Variants in XIRP2 observed in about 807,000 individuals in gnomAD.
The protein encoded by XIRP2 is xin actin binding repeat containing 2.
XIRP2 carries 236 observed loss-of-function variants against 277.0 expected under a neutral mutation model. The observed-to-expected ratio is 0.85, with a 90% CI of 0.77 to 0.95. XIRP2 has a LOEUF of 0.95. Among genes scored for constraint, XIRP2 ranks in the 40% least tolerant of loss-of-function variants. The probability of loss-of-function intolerance (pLI) is 0.00; values close to 1 mark genes in which losing one functional copy is unlikely to be tolerated. For missense variants in XIRP2, 4,640 were observed against 4,157.5 expected (o/e 1.12, Z -3.19); for synonymous variants, 1,490 against 1,416.5 (o/e 1.05, Z -1.17).
intron 2 of XIRP2, among the ~76,000 whole-genome samples, chr2:166,929,033 T>A (rs903803343): frequency 5.9e-5 from 9 of 152,068 alleles, no homozygotes; most frequent in Non-Finnish European, 1.2e-4. Flanking sequence ...TGTAAATACT[T>A]TCTATCGCTG....
At chr2:166,916,230 C>A (rs1256132471) in intron 2 of XIRP2, among the ~76,000 whole-genome samples, 2 of 152,180 alleles carry the variant, frequency 1.3e-5, no homozygotes, top group African/African-American at 2.4e-5. Flanking sequence ...TACATAAAAT[C>A]ATTTCATTAG....
intron 2 of XIRP2, among the ~76,000 whole-genome samples, chr2:166,926,172 C>G (rs1318087402): frequency 6.6e-6 from 1 of 152,064 alleles, no homozygotes; most frequent in Non-Finnish European, 1.5e-5. Context: ...GTTTTCTATA[C>G]TATTCTTTCT....
intron 2 of XIRP2, among the ~76,000 whole-genome samples, chr2:167,026,076 T>A (rs1041412316): frequency 3.3e-5 from 5 of 152,098 alleles, no homozygotes; most frequent in African/African-American, 7.2e-5. Flanking sequence ...CCCATTATTA[T>A]TGTGTGGGAG....
intron 2 of XIRP2, among the ~76,000 whole-genome samples, chr2:166,936,269 T>C (rs1182682437): frequency 2.0e-5 from 3 of 152,228 alleles, no homozygotes; most frequent in Non-Finnish European, 4.4e-5. Flanking sequence ...GTTTGTTTTT[T>C]TCTTGTAAAT....
chr2:167,131,559 C>G (rs1046033408), intron 2 of XIRP2, among the ~76,000 whole-genome samples: 1 of 152,134 alleles, frequency 6.6e-6, no homozygotes, highest in African/African-American at 2.4e-5. Flanking sequence ...CCATGTTGCT[C>G]AACTCAAAAG....
intron 5 of XIRP2, among the ~76,000 whole-genome samples, chr2:167,234,301 C>A (rs961497394): frequency 8.6e-5 from 13 of 151,338 alleles, no homozygotes; most frequent in Admixed American, 8.6e-4. Flanking sequence ...GAAATTTATG[C>A]AATATATCTG....
chr2:167,212,073 C>T (rs1331715643), intron 4 of XIRP2, among the ~76,000 whole-genome samples: 1 of 152,110 alleles, frequency 6.6e-6, no homozygotes, highest in Non-Finnish European at 1.5e-5. Context: ...CTGTGCCAAA[C>T]TCATTTAAAA....
intron 2 of XIRP2, among the ~76,000 whole-genome samples, chr2:167,055,592 TA>T (rs1274142418): frequency 6.6e-6 from 1 of 152,180 alleles, no homozygotes; most frequent in Non-Finnish European, 1.5e-5. Context: ...TCCTCCTGGC[TA>T]AAAACATGAA....
intron 2 of XIRP2, among the ~76,000 whole-genome samples, chr2:167,125,789 A>G (rs1013177306): frequency 6.6e-6 from 1 of 152,132 alleles, no homozygotes; most frequent in African/African-American, 2.4e-5. Context: ...TGGTTATTTA[A>G]TGCAGTTTGT....
At position 167,246,419 on chromosome 2, in the gene XIRP2, G is replaced by T; in HGVS notation, c.5027G>T (p.Gly1676Val). 6.2e-7 allele frequency: 1 copy of T among 1,613,612 alleles called. No individual in the cohort carries two copies. Among genetic ancestry groups the T allele is most frequent in the South Asian group, 1.1e-5 (1 of 91,048 alleles). Residue 1676 changes from glycine to valine, a missense_variant, in exon 9 of 11, where the codon GGC becomes GTC. By Grantham distance (109) the Gly-to-Val change is moderately radical (BLOSUM62 -3). Transcript: ENST00000409195. ...TCTGAGGAAAGATCTGTAAAGAAAG[G>T]CATCTTAATTCAGGAAGATGAAAAA... ...LFSEERSVKK[G>V]ILIQEDEKGD...
intron 2 of XIRP2, among the ~76,000 whole-genome samples, chr2:167,095,618 A>G (rs1690287434): frequency 6.6e-6 from 1 of 152,130 alleles, no homozygotes; most frequent in Non-Finnish European, 1.5e-5. Flanking sequence ...GATTATGTTT[A>G]TTGATTTGCA....
At chr2:166,906,698 GT>G (rs199943571) in intron 2 of XIRP2, among the ~76,000 whole-genome samples, 2,380 of 152,146 alleles carry the variant, frequency 0.016, 31 homozygotes, top group Non-Finnish European at 0.022. Flanking sequence ...GCTCACACCT[GT>G]TTTCCCAGCA....
chr2:167,210,706 A>T, intron 3 of XIRP2, 29 bp from the exon 4 acceptor site: 2 of 1,611,252 alleles, frequency 1.2e-6, no homozygotes, highest in Non-Finnish European at 1.7e-6. Context: ...CTTAACACAC[A>T]TGTGTAAGCA....
chr2:166,940,463 A>T (rs1685673503), intron 2 of XIRP2, among the ~76,000 whole-genome samples: 1 of 152,172 alleles, frequency 6.6e-6, no homozygotes, highest in Non-Finnish European at 1.5e-5. Context: ...GTCATTCTCC[A>T]TCCAGCTTTG....
intron 2 of XIRP2, among the ~76,000 whole-genome samples, chr2:167,106,776 G>T (rs1403269403): frequency 6.6e-6 from 1 of 151,264 alleles, no homozygotes; most frequent in Non-Finnish European, 1.5e-5. Flanking sequence ...AACTAGAATT[G>T]GCATCTTTAC....
At chr2:167,013,395 C>G (rs1015054786) in intron 2 of XIRP2, among the ~76,000 whole-genome samples, 2 of 151,338 alleles carry the variant, frequency 1.3e-5, no homozygotes, top group Non-Finnish European at 3.0e-5. Flanking sequence ...TTCTTATATA[C>G]TGATGCGGTC....
chr2:167,089,877 C>A (rs1025172807), intron 2 of XIRP2, among the ~76,000 whole-genome samples: 25 of 152,020 alleles, frequency 1.6e-4, no homozygotes, highest in African/African-American at 4.6e-4. Flanking sequence ...GAGACAGAGG[C>A]TTTATGGCCT....
intron 1 of XIRP2, among the ~76,000 whole-genome samples, chr2:166,896,900 C>G (rs1202370256): frequency 6.6e-6 from 1 of 152,096 alleles, no homozygotes; most frequent in Non-Finnish European, 1.5e-5. Context: ...TTTAGATACA[C>G]AAATACTTAC....
chr2:166,975,829 G>T (rs1013307824), intron 2 of XIRP2, among the ~76,000 whole-genome samples: 1 of 150,292 alleles, frequency 6.7e-6, no homozygotes, highest in Non-Finnish European at 1.5e-5. Flanking sequence ...GGGAGGCTGA[G>T]GCAGGAGAAG....
Sources: allele counts gnomAD v4.1 joint callset (sites outside exome capture counted in the v4.1 genomes callset), GRCh38; gene constraint gnomAD v4.1.1; transcripts MANE v1.5; gene names NCBI Gene and HGNC (gene_info 2026-07-23, HGNC 2026-07-21).